Variants in SNX11 observed in about 807,000 individuals in gnomAD.
SNX11 encodes the protein sorting nexin-11.
Under a neutral mutation model 30.7 loss-of-function variants are expected in SNX11, and 19 were observed. That is an observed-to-expected ratio of 0.62 (90% CI 0.43 to 0.91). The LOEUF is 0.91. Ranked by LOEUF, SNX11 falls within the 40% of genes least tolerant of loss-of-function variation. The pLI, the probability that SNX11 is intolerant of heterozygous loss-of-function variation, is 0.00. For synonymous variants in SNX11, 112 were observed against 119.0 expected (o/e 0.94, Z 0.38); for missense variants, 302 against 326.7 (o/e 0.92, Z 0.58).
intron 6 of SNX11, among the ~76,000 whole-genome samples, chr17:48,120,507 C>CTTT (rs71141968): frequency 0.014 from 996 of 69,498 alleles, 83 homozygotes; most frequent in Middle Eastern, 0.026. Flanking sequence ...CGCACCTGGC[C>CTTT]TTTTTTTTTT....
chr17:48,118,613 C>T (rs1366067870), intron 4 of SNX11, 91 bp from the exon 5 acceptor site: 3 of 866,164 alleles, frequency 3.5e-6, no homozygotes, highest in Non-Finnish European at 5.6e-6. Context: ...ATTGATTAGA[C>T]CTCTTTTTAA....
intron 4 of SNX11, 71 bp from the exon 5 acceptor site, chr17:48,118,633 T>C: frequency 1.8e-6 from 2 of 1,134,614 alleles, no homozygotes; most frequent in Non-Finnish European, 2.6e-6. Flanking sequence ...AGGGATTTCC[T>C]TGATCAGAGG....
intron 1 of SNX11, 65 bp from the exon 2 acceptor site, chr17:48,111,966 C>G: frequency 2.2e-6 from 3 of 1,359,148 alleles, no homozygotes; most frequent in Non-Finnish European, 2.1e-6. Context: ...GGGGTTTTCC[C>G]TGGTAAAGAA....
At position 48,119,105 on chromosome 17, in the gene SNX11, G is replaced by T. The variant is rs965522351; in HGVS notation, c.458G>T (p.Arg153Leu). 1 of 1,614,076 alleles carries T rather than the reference G, an allele frequency of 6.2e-7. No individual in the cohort carries two copies. The highest frequency in any genetic ancestry group is 8.5e-7 in the Non-Finnish European group (1 of 1,180,024). Residue 153 changes from arginine to leucine, a missense_variant, in exon 6 of 7, where the codon CGA (arginine) becomes CTA (leucine). By Grantham distance (102) the Arg-to-Leu change is moderately radical (BLOSUM62 -2). Coordinates refer to ENST00000359238, the MANE Select transcript of SNX11 (RefSeq NM_013323.3). The part of the protein sequence containing the change: ...STMTVSDAIL[R>L]YAMSNCGWAQ... The stretch of plus-strand genomic sequence containing the variant: ...ATGACTGTGTCTGATGCCATTCTTC[G>T]ATATGCTATGTCAAACTGTGGCTGG...
rs1039453716 is a variant in SNX11 at position 48,121,624 on chromosome 17, A to G, written c.*116A>G. ...CTGGGCTGCTTAGTGTCTTCTAGTC[A>G]CCTCTGCTTGGGCTGATTGACAGAG... On this transcript the variant is annotated 3_prime_UTR_variant, in exon 7 of 7. Transcript: ENST00000359238. The G allele has an allele frequency of 3.6e-6, 4 of 1,096,762 alleles. No individual in the cohort carries two copies. In the African/African-American group the frequency reaches 4.7e-5, roughly 13 times the overall value. The allele number at this position is 1,096,762 out of a possible 1,614,324, so 67.9% of individuals were successfully genotyped here. A position where few individuals can be genotyped will look rare whatever the true frequency, so the allele number is the denominator to read the frequency against.
At chr17:48,113,859 T>G (rs1182395923) in intron 4 of SNX11, among the ~76,000 whole-genome samples, 2 of 139,760 alleles carry the variant, frequency 1.4e-5, no homozygotes, top group African/African-American at 2.7e-5. Flanking sequence ...GGAAATAATG[T>G]TTTTTTTTTT....
chr17:48,116,639 A>G (rs1024570140), intron 4 of SNX11, among the ~76,000 whole-genome samples: 5 of 150,192 alleles, frequency 3.3e-5, no homozygotes, highest in African/African-American at 7.4e-5. Context: ...TAGTGGTGCA[A>G]TCTCGGCTCA....
At position 48,122,715 on chromosome 17, in the gene SNX11, C is replaced by G. The variant is rs1280825747; in HGVS notation, c.*1207C>G. 2.0e-5 allele frequency: 3 copies of G among 152,200 alleles called. No individual in the cohort carries two copies. The highest frequency in any genetic ancestry group is 7.2e-5 in the African/African-American group (3 of 41,444). 9.4% of individuals were successfully genotyped at this position (152,200 alleles called of 1,614,324 possible). A position where few individuals can be genotyped will look rare whatever the true frequency, so the allele number is the denominator to read the frequency against. On this transcript the variant is annotated 3_prime_UTR_variant, in exon 7 of 7. Transcript: ENST00000359238. ...TGGCATTTAGTTCAGAGTGGAGGGG[C>G]TTTGGCCTGAAATAAAATGCAAGTA...
At chr17:48,116,343 A>G (rs550054708) in intron 4 of SNX11, among the ~76,000 whole-genome samples, 36 of 152,252 alleles carry the variant, frequency 2.4e-4, no homozygotes, top group African/African-American at 8.4e-4. Flanking sequence ...CAGCCTCCCA[A>G]GTAGCTGGGA....
intron 2 of SNX11, chr17:48,112,337 A>T (rs993776674): frequency 4.8e-6 from 3 of 626,824 alleles, no homozygotes; most frequent in African/African-American, 1.8e-5. Context: ...GCAGGCACTT[A>T]CGTCTCTTGT....
chr17:48,109,624 C>T (rs2063471051), intron 1 of SNX11, among the ~76,000 whole-genome samples: 1 of 136,752 alleles, frequency 7.3e-6, no homozygotes, highest in Non-Finnish European at 1.6e-5. Flanking sequence ...GTCGCCTGGG[C>T]TGGAGTGCAG....
chr17:48,112,838 C>G lies in SNX11; in HGVS notation c.129+178C>G, dbSNP rs1269483430. 8.5e-6 allele frequency: 3 copies of G among 353,496 alleles called. No individual in the cohort carries two copies. The South Asian group carries it at 1.5e-4, about 17-fold the overall frequency. 21.9% of individuals were successfully genotyped at this position (353,496 alleles called of 1,614,324 possible). A position where few individuals can be genotyped will look rare whatever the true frequency, so the allele number is the denominator to read the frequency against. ...CTCCGCCTCCCAGGTTCAAGTGATT[C>G]TCCTGCCTCAGCCTCCCAAGTAGCT... On this transcript the variant is annotated intron_variant, in intron 3 of 6. Transcript: ENST00000359238.
intron 4 of SNX11, 130 bp downstream of exon 4, chr17:48,113,531 C>CT: frequency 3.4e-6 from 2 of 590,210 alleles, no homozygotes; most frequent in Non-Finnish European, 3.0e-6. Context: ...TATGTTGTTT[C>CT]TTTTTTTGTT....
At position 48,108,822 on chromosome 17, in the gene SNX11, G is replaced by A. The variant is rs148035495; in HGVS notation, c.-14+984G>A. 5.0e-4 allele frequency among the ~76,000 whole-genome samples: 76 copies of A among 152,372 alleles called. 2 individuals carry two copies. The Middle Eastern group carries it at 0.017, about 34-fold the overall frequency. ...ACTTCCTGCTGCTTCTCCAGAGGCA[G>A]AACTGAGCTTTTTCTTTTGAGGAGT... On this transcript the variant is annotated intron_variant, in intron 1 of 6. Coordinates refer to ENST00000359238, the MANE Select transcript of SNX11 (RefSeq NM_013323.3).
In SNX11 at chr17:48,119,019, A is replaced by G. The variant is rs144059731; in HGVS notation, c.372A>G (p.Leu124=). ...TCCTGTCAGACAGCCAGTTGCACCT[A>G]TTCCTGCAAAGCCAGCTCTCGGTGC... The part of the protein sequence containing the change: ...VVLLSDSQLH[L]FLQSQLSVPE... The change falls in exon 6 of 7, where the codon CTA becomes CTG. Residue 124 remains leucine, a synonymous_variant. Coordinates refer to ENST00000359238, the MANE Select transcript of SNX11 (RefSeq NM_013323.3). The G allele has an allele frequency of 3.2e-5, 52 of 1,613,524 alleles. No individual in the cohort carries two copies. The highest frequency in any genetic ancestry group is 2.0e-4 in the Admixed American group (12 of 59,936).
intron 2 of SNX11, 31 bp downstream of exon 2, chr17:48,112,116 G>C (rs1465067372): frequency 6.2e-7 from 1 of 1,603,270 alleles, no homozygotes; most frequent in Non-Finnish European, 8.5e-7. Context: ...GAACAGGTGG[G>C]TAAAAGTTGG....
intron 1 of SNX11, among the ~76,000 whole-genome samples, chr17:48,111,647 C>A (rs78855792): frequency 1.8e-3 from 234 of 132,824 alleles, no homozygotes; most frequent in East Asian, 2.8e-3. Flanking sequence ...AACTCTGCCT[C>A]AAAAAAAAAA....
At position 48,112,099 on chromosome 17, in the gene SNX11, C is replaced by G; in HGVS notation, c.42+14C>G. 6.2e-7 allele frequency: 1 copy of G among 1,612,374 alleles called. No individual in the cohort carries two copies. Among genetic ancestry groups the G allele is most frequent in the South Asian group, 1.1e-5 (1 of 91,038 alleles). On this transcript the variant is annotated intron_variant, in intron 2 of 6. Transcript: ENST00000359238. ...CAAGAACAGGAGGTAAGAGTATGGT[C>G]TGCAGAGAACAGGTGGGTAAAAGTT...
At chr17:48,113,258 C>T (rs2063508440) in intron 3 of SNX11, 43 bp from the exon 4 acceptor site, 1 of 1,508,984 alleles carries the variant, frequency 6.6e-7, no homozygotes, top group Non-Finnish European at 9.2e-7. Flanking sequence ...TTGTCTATTT[C>T]CACTAAACCC....
Sources: gnomAD v4.1 joint callset for allele counts (sites outside exome capture counted in the v4.1 genomes callset) on GRCh38, gnomAD v4.1.1 for gene constraint, MANE v1.5 for transcripts, NCBI Gene and HGNC (gene_info 2026-07-23, HGNC 2026-07-21) for gene names.